Variants in EML1 observed in about 807,000 individuals in gnomAD.
The protein encoded by EML1 is echinoderm microtubule-associated protein-like 1.
EML1 carries 27 observed loss-of-function variants against 110.4 expected under a neutral mutation model. The observed-to-expected ratio is 0.24, with a 90% CI of 0.18 to 0.34. The LOEUF (loss-of-function observed/expected upper bound fraction) is 0.34. Ranked by LOEUF, EML1 falls within the 10% of genes least tolerant of loss-of-function variation. The pLI is 1.00. For missense variants in EML1, 741 were observed against 1,030.9 expected (o/e 0.72, Z 3.85); for synonymous variants, 344 against 385.8 (o/e 0.89, Z 1.27).
intron 1 of EML1, among the ~76,000 whole-genome samples, chr14:99,808,972 C>T (rs2058027578): frequency 6.6e-6 from 1 of 152,108 alleles, no homozygotes; most frequent in Admixed American, 6.5e-5. Flanking sequence ...AGTAACTTAG[C>T]CAAGGCCAAA....
At chr14:99,833,919 T>C (rs2058499369) in intron 1 of EML1, among the ~76,000 whole-genome samples, 1 of 152,258 alleles carries the variant, frequency 6.6e-6, no homozygotes, top group African/African-American at 2.4e-5. Flanking sequence ...TGGACAGCCA[T>C]GTCATTTGTG....
rs74922652 is a variant in EML1, at chr14:99,829,816, T to C, written c.68-21037T>C. Reference sequence around the variant, plus strand: ...ATAATGTTTTCAAGTTCCATCTGCTTACCAGAACTATATTCCTTTATGGCC... The same window carrying C: ...ATAATGTTTTCAAGTTCCATCTGCTCACCAGAACTATATTCCTTTATGGCC... On this transcript the variant is annotated intron_variant, in intron 1 of 21. Transcript: ENST00000262233. 4.0e-3 allele frequency among the ~76,000 whole-genome samples: 613 copies of C among 152,356 alleles called. 3 individuals carry two copies. Among genetic ancestry groups the C allele is most frequent in the African/African-American group, 0.014 (595 of 41,576 alleles).
At chr14:99,880,089 C>G (rs1056945468) in intron 4 of EML1, among the ~76,000 whole-genome samples, 2 of 152,132 alleles carry the variant, frequency 1.3e-5, no homozygotes, top group African/African-American at 4.8e-5. Context: ...AAATGAGGGA[C>G]TGGGAAAATT....
In EML1 at chr14:99,907,704, C is replaced by A. The variant is rs2059876078; in HGVS notation, c.1075C>A (p.Gln359Lys). 1.9e-6 allele frequency: 3 copies of A among 1,614,058 alleles called. No individual in the cohort carries two copies. The highest frequency in any genetic ancestry group is 2.5e-6 in the Non-Finnish European group (3 of 1,180,034). ...NDHVLSVWDW[Q>K]KEEKLADVKC... ...CCATGTGCTCTCTGTATGGGACTGG[C>A]AGAAAGAAGAAAAACTAGCAGATGT... Residue 359 changes from glutamine (Q) to lysine (K), a missense_variant, in exon 10 of 22, where the codon CAG (glutamine) becomes AAG (lysine). Coordinates refer to ENST00000262233, the MANE Select transcript of EML1 (RefSeq NM_004434.3).
In EML1 at chr14:99,940,156, C is replaced by A; in HGVS notation, c.*44C>A. 1 of 1,459,970 alleles carries A rather than the reference C, an allele frequency of 6.8e-7. No homozygotes were observed. The highest frequency in any genetic ancestry group is 9.1e-7 in the Non-Finnish European group (1 of 1,102,662). The allele number at this position is 1,459,970 out of a possible 1,614,324, so 90.4% of individuals were successfully genotyped here. A position where few individuals can be genotyped will look rare whatever the true frequency, so the allele number is the denominator to read the frequency against. On this transcript the variant is annotated 3_prime_UTR_variant, in exon 22 of 22. Coordinates refer to ENST00000262233, the MANE Select transcript of EML1 (RefSeq NM_004434.3). The stretch of plus-strand genomic sequence containing the variant: ...GGGAGCAGCATGGGCAAGGAAGACA[C>A]AGACTCGCATTACCCTTGGTCACTG...
chr14:99,817,643 T>C (rs1484194761), intron 1 of EML1, among the ~76,000 whole-genome samples: 1 of 152,178 alleles, frequency 6.6e-6, no homozygotes, highest in African/African-American at 2.4e-5. Flanking sequence ...ACCACACTTT[T>C]AGAACTGCTG....
intron 1 of EML1, among the ~76,000 whole-genome samples, chr14:99,805,533 G>A (rs764027792): frequency 6.6e-6 from 1 of 152,114 alleles, no homozygotes. Flanking sequence ...GGAGCGCAGT[G>A]ATATGAGCTG....
At chr14:99,918,651 C>T (rs1344494850) in intron 16 of EML1, among the ~76,000 whole-genome samples, 2 of 151,994 alleles carry the variant, frequency 1.3e-5, no homozygotes, top group Non-Finnish European at 2.9e-5. Context: ...GACCCTATCT[C>T]TATAAAAAAT....
chr14:99,916,173 T>C (rs1177684014), intron 15 of EML1, among the ~76,000 whole-genome samples: 1 of 152,274 alleles, frequency 6.6e-6, no homozygotes, highest in Non-Finnish European at 1.5e-5. Context: ...GCCAGGGAAC[T>C]GCAATGAAGT....
chr14:99,939,450 A>G lies in EML1; in HGVS notation c.2322+123A>G, dbSNP rs377252537. 6.8e-7 allele frequency: 1 copy of G among 1,468,314 alleles called. No homozygotes were observed. The highest frequency in any genetic ancestry group is 1.3e-5 in the South Asian group (1 of 75,142). The allele number at this position is 1,468,314 out of a possible 1,614,324, so 91.0% of individuals were successfully genotyped here. On this transcript the variant is annotated intron_variant, in intron 21 of 21. Transcript: ENST00000262233. The surrounding 1 kb of genome is among the most constrained non-coding windows in gnomAD (Gnocchi z 4.2). The stretch of plus-strand genomic sequence containing the variant: ...GCTGCCAGCCACAAAGGCAGATGTG[A>G]CTCTGTTCTTTGCGCCCTGAGCACT...
In EML1 at chr14:99,794,187, A is replaced by G. The variant is rs113346240; in HGVS notation, c.67+644A>G. ...AATTTTACAGGAAGGAAACATTCAT[A>G]TCCACCAATATGGCATCTTTTTAAA... On this transcript the variant is annotated intron_variant, in intron 1 of 21. Coordinates refer to ENST00000262233, the MANE Select transcript of EML1 (RefSeq NM_004434.3). Among the ~76,000 whole-genome samples the G allele has an allele frequency of 7.1e-3, 1,075 of 152,330 alleles. 12 individuals carry two copies. Among genetic ancestry groups the G allele is most frequent in the African/African-American group, 0.025 (1,033 of 41,568 alleles).
chr14:99,889,004 G>T (rs1398046579), intron 4 of EML1, among the ~76,000 whole-genome samples: 1 of 152,160 alleles, frequency 6.6e-6, no homozygotes, highest in Non-Finnish European at 1.5e-5. Flanking sequence ...ATTGGGAGCC[G>T]GACAGGCGGC....
chr14:99,827,608 T>C lies in EML1; in HGVS notation c.68-23245T>C, dbSNP rs1357861645. Among the ~76,000 whole-genome samples the C allele has an allele frequency of 1.3e-5, 2 of 151,956 alleles. No individual in the cohort carries two copies. Among genetic ancestry groups the C allele is most frequent in the African/African-American group, 4.8e-5 (2 of 41,382 alleles). On this transcript the variant is annotated intron_variant, in intron 1 of 21. Coordinates refer to ENST00000262233, the MANE Select transcript of EML1 (RefSeq NM_004434.3). The surrounding 1 kb of genome is among the most constrained non-coding windows in gnomAD (Gnocchi z 4.4). ...TAAACGTGGCCGTTAGAGTGGGCCC[T>C]ACTCCAGTCTGACTGGTGTCCTTAT...
chr14:99,884,387 G>A (rs2059439435), intron 4 of EML1, among the ~76,000 whole-genome samples: 1 of 152,190 alleles, frequency 6.6e-6, no homozygotes, highest in African/African-American at 2.4e-5. Context: ...TGGACTTATG[G>A]AGCACCTGCT....
chr14:99,852,871 T>C (rs182763276), intron 2 of EML1, among the ~76,000 whole-genome samples: 1 of 152,296 alleles, frequency 6.6e-6, no homozygotes, highest in African/African-American at 2.4e-5. Context: ...GAATAATCAT[T>C]TTAAGTAATC....
intron 1 of EML1, among the ~76,000 whole-genome samples, chr14:99,820,118 C>T (rs2058237545): frequency 6.6e-6 from 1 of 152,124 alleles, no homozygotes; most frequent in Non-Finnish European, 1.5e-5. Context: ...GGCAACTTGG[C>T]AGCAAGAGTT....
intron 1 of EML1, among the ~76,000 whole-genome samples, chr14:99,767,402 G>A (rs967748173): frequency 6.6e-6 from 1 of 152,194 alleles, no homozygotes; most frequent in African/African-American, 2.4e-5. Flanking sequence ...AGGATATGGC[G>A]ACCATCCTGG....
At chr14:99,882,176 G>A (rs1189480344) in intron 4 of EML1, among the ~76,000 whole-genome samples, 1 of 152,112 alleles carries the variant, frequency 6.6e-6, no homozygotes, top group African/African-American at 2.4e-5. Flanking sequence ...AGTGATTCAT[G>A]TCATCATGAA....
At chr14:99,754,302 C>G (rs149121823) in intron 1 of EML1, among the ~76,000 whole-genome samples, 33 of 152,350 alleles carry the variant, frequency 2.2e-4, no homozygotes, top group African/African-American at 7.7e-4. Flanking sequence ...TTGGCGGGGT[C>G]GGCCAGGGCA....
Sources: allele counts gnomAD v4.1 joint callset (sites outside exome capture counted in the v4.1 genomes callset), GRCh38; gene constraint gnomAD v4.1.1; non-coding constraint Gnocchi (gnomAD v3.1); transcripts MANE v1.5; gene names NCBI Gene and HGNC (gene_info 2026-07-23, HGNC 2026-07-21).